ASIC2: variants seen among roughly 807,000 people sequenced by gnomAD.
ASIC2 encodes acid-sensing ion channel 2.
ASIC2 carries 25 observed loss-of-function variants against 57.3 expected under a neutral mutation model. The observed-to-expected ratio is 0.44, with a 90% confidence interval of 0.32 to 0.61. The LOEUF (loss-of-function observed/expected upper bound fraction) is 0.61. Among genes scored for constraint, ASIC2 ranks in the 20% least tolerant of loss-of-function variants. ASIC2 has a pLI of 0.06. For missense variants in ASIC2, 641 were observed against 738.1 expected (o/e 0.87, Z 1.52); for synonymous variants, 319 against 307.5 (o/e 1.04, Z -0.39).
intron 1 of ASIC2, among the ~76,000 whole-genome samples, chr17:33,594,612 A>T (rs1904923868): frequency 6.6e-6 from 1 of 152,032 alleles, no homozygotes; most frequent in Non-Finnish European, 1.5e-5. Flanking sequence ...GCGGATCACG[A>T]GATCAGAAGA....
At chr17:33,772,774 G>A (rs1364103380) in intron 1 of ASIC2, among the ~76,000 whole-genome samples, 1 of 152,128 alleles carries the variant, frequency 6.6e-6, no homozygotes, top group East Asian at 1.9e-4. Flanking sequence ...AGGAAAGCGG[G>A]GAGGCTTGGG....
intron 2 of ASIC2, among the ~76,000 whole-genome samples, chr17:33,091,307 C>T (rs958797297): frequency 6.6e-6 from 1 of 152,208 alleles, no homozygotes; most frequent in Non-Finnish European, 1.5e-5. Flanking sequence ...GAAAAACAGA[C>T]TCAGATGGGG....
chr17:33,346,973 A>G (rs917285706), intron 1 of ASIC2, among the ~76,000 whole-genome samples: 2 of 152,212 alleles, frequency 1.3e-5, no homozygotes, highest in African/African-American at 4.8e-5. Context: ...TTTGCTGTGA[A>G]GAGAAATAGA....
intron 1 of ASIC2, among the ~76,000 whole-genome samples, chr17:33,864,945 G>C (rs1914193125): frequency 6.6e-6 from 1 of 151,722 alleles, no homozygotes; most frequent in Non-Finnish European, 1.5e-5. Flanking sequence ...GATGTCCGTG[G>C]AATCATTTTA....
At position 34,080,539 on chromosome 17, in the gene ASIC2, T is replaced by C. The variant is rs111536206; in HGVS notation, c.555+75439A>G. Among the ~76,000 whole-genome samples, 447 of 152,332 alleles carry C rather than the reference T, an allele frequency of 2.9e-3. 8 individuals carry two copies. The highest frequency in any genetic ancestry group is 0.01 in the African/African-American group (420 of 41,566). ...ATCTCTTTAATCTGCTCTGTGAATG[T>C]GAGGCCCCATGTTGGGCTCACAAAA... is the stretch of plus-strand genomic sequence containing the variant. On this transcript the variant is annotated intron_variant, in intron 1 of 9. Transcript: ENST00000359872.
rs549362428 is a variant in ASIC2 at position 33,571,747 on chromosome 17, C to A, written c.556-459680G>T. 2.6e-5 allele frequency among the ~76,000 whole-genome samples: 4 copies of A among 152,308 alleles called. No homozygotes were observed. The South Asian group carries it at 8.3e-4, about 32-fold the overall frequency. On this transcript the variant is annotated intron_variant, in intron 1 of 9. Transcript: ENST00000359872. ...GACAAAACTTGAACATCTGGAAAGA[C>A]AAGAGGATGTTGTCTGTTTCATTCA...
intron 1 of ASIC2, among the ~76,000 whole-genome samples, chr17:33,454,300 G>A (rs2141992026): frequency 6.6e-6 from 1 of 152,282 alleles, no homozygotes; most frequent in South Asian, 2.1e-4. Flanking sequence ...GTAGTACAGT[G>A]GACGGTGGTC....
At chr17:34,118,540 G>C (rs958940224) in intron 1 of ASIC2, 1 of 152,190 alleles carries the variant, frequency 6.6e-6, no homozygotes, top group Non-Finnish European at 1.5e-5. Context: ...GACCAGCCAC[G>C]TTCTTGGCCA....
intron 1 of ASIC2, among the ~76,000 whole-genome samples, chr17:33,869,602 C>T (rs1914335897): frequency 6.6e-6 from 1 of 152,148 alleles, no homozygotes; most frequent in Non-Finnish European, 1.5e-5. Flanking sequence ...TATGGATGCA[C>T]TTCTAAAACA....
chr17:33,543,102 C>G (rs1915470064), intron 1 of ASIC2, among the ~76,000 whole-genome samples: 1 of 127,548 alleles, frequency 7.8e-6, no homozygotes, highest in Non-Finnish European at 1.5e-5. Flanking sequence ...CACATGGACA[C>G]AGGAAGGGGA....
At chr17:33,798,456 T>C (rs1911985188) in intron 1 of ASIC2, among the ~76,000 whole-genome samples, 1 of 152,146 alleles carries the variant, frequency 6.6e-6, no homozygotes, top group African/African-American at 2.4e-5. Context: ...TTAAGAAATC[T>C]TGATGGAACA....
chr17:34,128,815 C>T (rs1045858968), intron 1 of ASIC2, among the ~76,000 whole-genome samples: 4 of 152,004 alleles, frequency 2.6e-5, no homozygotes, highest in African/African-American at 4.8e-5. Flanking sequence ...GGGGTAGTCT[C>T]GGTCTAGCTC....
intron 1 of ASIC2, among the ~76,000 whole-genome samples, chr17:33,405,486 TC>T (rs1419939607): frequency 2.9e-5 from 3 of 104,240 alleles, no homozygotes; most frequent in African/African-American, 1.3e-4. Context: ...CTTTTTTCTT[TC>T]TTTTTTTTTT....
chr17:33,135,158 C>T (rs1459204582), intron 1 of ASIC2, among the ~76,000 whole-genome samples: 5 of 152,114 alleles, frequency 3.3e-5, no homozygotes, highest in African/African-American at 4.8e-5. Context: ...CCCTGCTGCC[C>T]TCATGAACGT....
intron 1 of ASIC2, among the ~76,000 whole-genome samples, chr17:34,082,376 C>T (rs983705156): frequency 6.6e-6 from 1 of 152,132 alleles, no homozygotes; most frequent in African/African-American, 2.4e-5. Context: ...ACTATTAAAT[C>T]TTGTATTCTA....
intron 1 of ASIC2, among the ~76,000 whole-genome samples, chr17:33,894,152 ACCCCCT>A (rs1341290593): frequency 6.6e-6 from 1 of 152,110 alleles, no homozygotes; most frequent in Non-Finnish European, 1.5e-5. Context: ...GGCTTGATGA[ACCCCCT>A]TAGGGGGTGG....
intron 1 of ASIC2, among the ~76,000 whole-genome samples, chr17:33,768,148 A>G (rs1296673300): frequency 6.6e-6 from 1 of 151,944 alleles, no homozygotes; most frequent in Non-Finnish European, 1.5e-5. Flanking sequence ...AGCTGGGACT[A>G]CGGGCGCCTG....
chr17:33,533,395 A>T (rs1310135033), intron 1 of ASIC2: 3 of 152,250 alleles, frequency 2.0e-5, no homozygotes, highest in Non-Finnish European at 4.4e-5. Context: ...CCTGTCTCTC[A>T]CATTCTATTA....
At chr17:33,332,609 G>A (rs375150361) in intron 1 of ASIC2, among the ~76,000 whole-genome samples, 1 of 152,084 alleles carries the variant, frequency 6.6e-6, no homozygotes, top group Non-Finnish European at 1.5e-5. Flanking sequence ...TCAGATTCAC[G>A]GCCAGGCATG....
Sources: allele counts gnomAD v4.1 joint callset (sites outside exome capture counted in the v4.1 genomes callset), GRCh38; gene constraint gnomAD v4.1.1; transcripts MANE v1.5; gene names NCBI Gene and HGNC (gene_info 2026-07-23, HGNC 2026-07-21).